The following ZNF827 variants were observed in gnomAD, a reference collection of about 807,000 sequenced individuals.
ZNF827 encodes zinc finger protein 827.
A neutral mutation model predicts 102.4 loss-of-function variants in ZNF827; 13 were observed. That is an observed-to-expected ratio of 0.13 (90% confidence interval 0.08 to 0.20). ZNF827 has a LOEUF of 0.20. Among genes scored for constraint, ZNF827 ranks in the 10% least tolerant of loss-of-function variants. The pLI, the probability that ZNF827 is intolerant of heterozygous loss-of-function variation, is 1.00. For synonymous variants in ZNF827, 523 were observed against 536.2 expected (o/e 0.98, Z 0.34); for missense variants, 1,103 against 1,344.4 (o/e 0.82, Z 2.81).
intron 5 of ZNF827, among the ~76,000 whole-genome samples, chr4:145,860,503 C>G (rs191580431): frequency 6.6e-6 from 1 of 152,158 alleles, no homozygotes; most frequent in Non-Finnish European, 1.5e-5. Context: ...CAGTGACCCT[C>G]GCCATCTGAT....
chr4:145,783,807 G>A (rs575393221), intron 8 of ZNF827, among the ~76,000 whole-genome samples: 54 of 152,314 alleles, frequency 3.5e-4, no homozygotes, highest in African/African-American at 1.2e-3. Context: ...TGGAGAAAGG[G>A]AAAGATGGGA....
rs925471141 is a variant in ZNF827 at position 145,849,560 on chromosome 4, C to T, written c.1983G>A (p.Ala661=). ...AASELLMKLS[A]ESYKETQMVK... ...CCATCTGTGTTTCCTTGTAGCTTTC[C>T]GCTGCAAGTAGGTGAATGAAGAGAA... The change falls in exon 6 of 15, where the codon GCG becomes GCA. Residue 661 remains alanine (A), a splice_region_variant and synonymous_variant. Transcript: ENST00000508784. 1.9e-5 allele frequency: 31 copies of T among 1,613,662 alleles called. No homozygotes were observed. In the East Asian group the frequency reaches 3.3e-4, roughly 17 times the overall value.
At chr4:145,874,838 C>G (rs974263861) in intron 4 of ZNF827, among the ~76,000 whole-genome samples, 1 of 152,216 alleles carries the variant, frequency 6.6e-6, no homozygotes, top group Non-Finnish European at 1.5e-5. Flanking sequence ...GAGGCCCCCT[C>G]TCTCGCTGTT....
intron 1 of ZNF827, among the ~76,000 whole-genome samples, chr4:145,917,905 A>G (rs1561078704): frequency 6.6e-6 from 1 of 152,068 alleles, no homozygotes; most frequent in African/African-American, 2.4e-5. Flanking sequence ...TAGCTGCAAC[A>G]TTCCCACATA....
chr4:145,908,330 T>C (rs1224502659), intron 1 of ZNF827, among the ~76,000 whole-genome samples: 1 of 152,202 alleles, frequency 6.6e-6, no homozygotes. Context: ...CTTGAATTCT[T>C]AGGACTCACC....
chr4:145,882,478 T>C (rs1342335059), intron 4 of ZNF827, among the ~76,000 whole-genome samples: 1 of 152,132 alleles, frequency 6.6e-6, no homozygotes, highest in Non-Finnish European at 1.5e-5. Context: ...AGGGATTTTA[T>C]TTCACAATCA....
intron 11 of ZNF827, among the ~76,000 whole-genome samples, chr4:145,770,035 C>G (rs1185156106): frequency 1.3e-5 from 2 of 152,164 alleles, no homozygotes; most frequent in Admixed American, 6.5e-5. Flanking sequence ...CCGTGGCTCA[C>G]GCCTGTAATC....
chr4:145,936,826 G>C (rs1416202699), intron 1 of ZNF827, among the ~76,000 whole-genome samples: 5 of 152,140 alleles, frequency 3.3e-5, no homozygotes, highest in Non-Finnish European at 5.9e-5. Flanking sequence ...CCGGGCGGGC[G>C]GGCGCTCCGG....
chr4:145,920,148 A>G (rs2126959706), intron 1 of ZNF827, among the ~76,000 whole-genome samples: 1 of 152,344 alleles, frequency 6.6e-6, no homozygotes, highest in African/African-American at 2.4e-5. Context: ...GCACCTAGAA[A>G]TCTCAAATGA....
intron 8 of ZNF827, among the ~76,000 whole-genome samples, chr4:145,792,539 T>C (rs921246009): frequency 4.6e-5 from 7 of 152,064 alleles, no homozygotes; most frequent in Non-Finnish European, 8.8e-5. Flanking sequence ...TATAATTTTT[T>C]TTTTTAAGAG....
chr4:145,834,973 C>A (rs567533112), intron 7 of ZNF827: 3 of 152,218 alleles, frequency 2.0e-5, no homozygotes, highest in African/African-American at 4.8e-5. Flanking sequence ...TGAACCGCAG[C>A]GGCCAGGCGT....
At chr4:145,789,957 T>G (rs1255331528) in intron 8 of ZNF827, among the ~76,000 whole-genome samples, 1 of 152,234 alleles carries the variant, frequency 6.6e-6, no homozygotes, top group South Asian at 2.1e-4. Flanking sequence ...TCTTTACATC[T>G]TTACATCTGG....
intron 8 of ZNF827, among the ~76,000 whole-genome samples, chr4:145,816,848 A>G (rs779062894): frequency 2.6e-5 from 4 of 152,216 alleles, no homozygotes; most frequent in African/African-American, 7.2e-5. Flanking sequence ...ATCAACCTAC[A>G]TGTCATTAGT....
At chr4:145,780,122 C>T (rs552095647) in intron 8 of ZNF827, among the ~76,000 whole-genome samples, 1 of 152,236 alleles carries the variant, frequency 6.6e-6, no homozygotes, top group East Asian at 1.9e-4. Context: ...AGCTGGGAGG[C>T]GGAGGTTGCA....
intron 10 of ZNF827, 94 bp downstream of exon 10, chr4:145,775,695 G>A: frequency 6.9e-7 from 1 of 1,452,812 alleles, no homozygotes; most frequent in South Asian, 1.3e-5. Flanking sequence ...CTGAGAAAAG[G>A]GGCCTCGTGA....
chr4:145,865,209 T>C (rs969783833), intron 5 of ZNF827, among the ~76,000 whole-genome samples: 1 of 152,182 alleles, frequency 6.6e-6, no homozygotes, highest in Non-Finnish European at 1.5e-5. Flanking sequence ...GCCAACACTA[T>C]CTTGATTTAT....
intron 4 of ZNF827, among the ~76,000 whole-genome samples, chr4:145,874,429 C>T (rs564551227): frequency 1.8e-4 from 27 of 152,002 alleles, no homozygotes; most frequent in African/African-American, 4.1e-4. Flanking sequence ...CAATAGAAGA[C>T]GTAAAAATAG....
intron 5 of ZNF827, among the ~76,000 whole-genome samples, chr4:145,862,096 G>A (rs1050185514): frequency 1.3e-5 from 2 of 152,208 alleles, no homozygotes; most frequent in Non-Finnish European, 2.9e-5. Flanking sequence ...AGCCATTCAG[G>A]TGTACGGGTT....
At chr4:145,923,370 C>T (rs1439983922) in intron 1 of ZNF827, among the ~76,000 whole-genome samples, 4 of 151,436 alleles carry the variant, frequency 2.6e-5, no homozygotes, top group Non-Finnish European at 4.4e-5. Flanking sequence ...TTTGGGATGC[C>T]GAGGCAGGCG....
Sources: allele counts gnomAD v4.1 joint callset (sites outside exome capture counted in the v4.1 genomes callset), GRCh38; gene constraint gnomAD v4.1.1; transcripts MANE v1.5; gene names NCBI Gene and HGNC (gene_info 2026-07-23, HGNC 2026-07-21).